ZMAT4: variants seen among roughly 807,000 people sequenced by gnomAD.
ZMAT4 encodes the protein zinc finger matrin-type protein 4.
Under a neutral mutation model 28.7 loss-of-function variants are expected in ZMAT4, and 17 were observed. That is an observed-to-expected ratio of 0.59 (90% confidence interval 0.41 to 0.89). The LOEUF is 0.89. Ranked by LOEUF, ZMAT4 falls within the 40% of genes least tolerant of loss-of-function variation. The pLI, the probability that ZMAT4 is intolerant of heterozygous loss-of-function variation, is 0.00. For missense variants in ZMAT4, 240 were observed against 283.8 expected, an observed-to-expected ratio of 0.85 and a Z score of 1.11; for synonymous variants, 117 against 109.2, an observed-to-expected ratio of 1.07 and a Z score of -0.44.
intron 2 of ZMAT4, among the ~76,000 whole-genome samples, chr8:40,792,379 A>C (rs1179504117): frequency 6.7e-6 from 1 of 149,868 alleles, no homozygotes; most frequent in Non-Finnish European, 1.5e-5. Context: ...TACTAATATA[A>C]TGATAAGATT....
intron 6 of ZMAT4, among the ~76,000 whole-genome samples, chr8:40,564,856 G>C (rs1563342300): frequency 6.6e-6 from 1 of 152,094 alleles, no homozygotes; most frequent in African/African-American, 2.4e-5. Context: ...TTAATCAGAA[G>C]ACACAGGAAT....
At chr8:40,576,546 A>AG (rs57928902) in intron 6 of ZMAT4, among the ~76,000 whole-genome samples, 2 of 151,780 alleles carry the variant, frequency 1.3e-5, no homozygotes, top group Non-Finnish European at 2.9e-5. Context: ...AAAAAAAAAA[A>AG]CTGTCAGTCA....
At chr8:40,752,427 C>A (rs4736878) in intron 3 of ZMAT4, among the ~76,000 whole-genome samples, 4 of 151,978 alleles carry the variant, frequency 2.6e-5, no homozygotes, top group African/African-American at 4.8e-5. Flanking sequence ...CCCACTACCC[C>A]CTTGGCTGGA....
intron 3 of ZMAT4, among the ~76,000 whole-genome samples, chr8:40,758,735 A>G (rs1812798368): frequency 6.6e-6 from 1 of 152,150 alleles, no homozygotes; most frequent in Non-Finnish European, 1.5e-5. Flanking sequence ...TAGGATTTTG[A>G]CCCTTCAGAG....
intron 5 of ZMAT4, among the ~76,000 whole-genome samples, chr8:40,613,329 C>T (rs1207619267): frequency 1.3e-5 from 2 of 151,364 alleles, no homozygotes; most frequent in East Asian, 2.0e-4. Flanking sequence ...ATTACAGGTG[C>T]CTGCCACCAT....
At chr8:40,693,934 G>A (rs1006752826) in intron 4 of ZMAT4, among the ~76,000 whole-genome samples, 1 of 152,202 alleles carries the variant, frequency 6.6e-6, no homozygotes, top group Non-Finnish European at 1.5e-5. Flanking sequence ...GCAATGAGTT[G>A]TGGTTCAATT....
intron 6 of ZMAT4, among the ~76,000 whole-genome samples, chr8:40,548,974 A>G (rs978896708): frequency 6.6e-6 from 1 of 152,166 alleles, no homozygotes; most frequent in Non-Finnish European, 1.5e-5. Context: ...ACTCCCACCC[A>G]CAGAATTCAT....
chr8:40,635,039 T>A, intron 5 of ZMAT4, among the ~76,000 whole-genome samples: 1 of 152,170 alleles, frequency 6.6e-6, no homozygotes, highest in East Asian at 1.9e-4. Context: ...AGAGATCTTT[T>A]TAAAGGCAAA....
At chr8:40,801,351 A>ATATAT (rs1554559738) in intron 2 of ZMAT4, among the ~76,000 whole-genome samples, 23 of 97,262 alleles carry the variant, frequency 2.4e-4, no homozygotes, top group Middle Eastern at 6.8e-3. Flanking sequence ...TAAAAAAAAA[A>ATATAT]ATATATATAT....
At chr8:40,636,503 G>A (rs911222681) in intron 5 of ZMAT4, among the ~76,000 whole-genome samples, 1 of 152,152 alleles carries the variant, frequency 6.6e-6, no homozygotes, top group Non-Finnish European at 1.5e-5. Flanking sequence ...AGCTTCAAAT[G>A]CCTCCACATT....
At chr8:40,764,079 A>G (rs925821324) in intron 3 of ZMAT4, among the ~76,000 whole-genome samples, 4 of 152,150 alleles carry the variant, frequency 2.6e-5, no homozygotes, top group African/African-American at 7.2e-5. Flanking sequence ...CATCTGACCC[A>G]CGGGTCTGAA....
At chr8:40,740,345 G>T (rs2150533977) in intron 3 of ZMAT4, among the ~76,000 whole-genome samples, 1 of 152,294 alleles carries the variant, frequency 6.6e-6, no homozygotes, top group East Asian at 1.9e-4. Context: ...ACTGACATGA[G>T]ATGGTATCTC....
At chr8:40,662,728 T>G (rs1808253506) in intron 5 of ZMAT4, among the ~76,000 whole-genome samples, 1 of 152,150 alleles carries the variant, frequency 6.6e-6, no homozygotes, top group African/African-American at 2.4e-5. Flanking sequence ...GAAATCTAAA[T>G]TATTACTCAT....
intron 1 of ZMAT4, among the ~76,000 whole-genome samples, chr8:40,893,818 G>T (rs564312195): frequency 6.6e-6 from 1 of 151,948 alleles, no homozygotes; most frequent in Non-Finnish European, 1.5e-5. Context: ...TCTTACCCTC[G>T]TCCCACCCTC....
chr8:40,585,045 C>G (rs754409795), intron 5 of ZMAT4, among the ~76,000 whole-genome samples: 23 of 152,208 alleles, frequency 1.5e-4, no homozygotes, highest in South Asian at 2.1e-4. Context: ...TTCCTGGAGG[C>G]GTTCACATTA....
At chr8:40,798,093 T>C (rs1814671433) in intron 2 of ZMAT4, among the ~76,000 whole-genome samples, 1 of 152,112 alleles carries the variant, frequency 6.6e-6, no homozygotes, top group Non-Finnish European at 1.5e-5. Context: ...GCCAAAGAAC[T>C]GGGTGCAGGG....
intron 4 of ZMAT4, among the ~76,000 whole-genome samples, chr8:40,693,553 CT>C (rs778281091): frequency 4.6e-5 from 7 of 152,196 alleles, no homozygotes; most frequent in Non-Finnish European, 7.3e-5. Flanking sequence ...CCTTTGCCTC[CT>C]TGATGCATGT....
At chr8:40,691,418 AAG>A (rs1809658308) in intron 4 of ZMAT4, among the ~76,000 whole-genome samples, 1 of 128,520 alleles carries the variant, frequency 7.8e-6, no homozygotes, top group Admixed American at 8.2e-5. Flanking sequence ...AAAAAAAAAA[AAG>A]AGAGAGAGAC....
intron 5 of ZMAT4, among the ~76,000 whole-genome samples, chr8:40,599,136 C>G (rs921092717): frequency 6.6e-6 from 1 of 152,148 alleles, no homozygotes; most frequent in Non-Finnish European, 1.5e-5. Flanking sequence ...TGTAATTTCT[C>G]TCTCCTCCAT....
Sources: allele counts gnomAD v4.1 joint callset (sites outside exome capture counted in the v4.1 genomes callset), GRCh38; gene constraint gnomAD v4.1.1; transcripts MANE v1.5; gene names NCBI Gene and HGNC (gene_info 2026-07-23, HGNC 2026-07-21).